The following MAF variants were observed in gnomAD, a reference collection of about 807,000 sequenced individuals.
MAF encodes the protein transcription factor Maf.
In MAF, 10 loss-of-function variants were observed where a neutral mutation model predicts 22.0. That is an observed-to-expected ratio of 0.45 (90% CI 0.28 to 0.77). The LOEUF is 0.77. Among genes scored for constraint, MAF ranks in the 30% least tolerant of loss-of-function variants. The probability of loss-of-function intolerance (pLI) is 0.12; values close to 1 mark genes in which losing one functional copy is unlikely to be tolerated. For missense variants in MAF, 544 were observed against 548.4 expected (o/e 0.99, Z 0.08); for synonymous variants, 337 against 255.8 (o/e 1.32, Z -3.03).
chr16:79,559,317 T>A, the MAF span, among the ~76,000 whole-genome samples: 4 of 152,186 alleles, frequency 2.6e-5, no homozygotes, highest in Non-Finnish European at 4.4e-5. Flanking sequence ...ATCACCCACA[T>A]TGCAAGAACG....
At chr16:79,397,011 TATTACCTTCTCTGAAGTCGGTTGACTC>T in the MAF span, among the ~76,000 whole-genome samples, 1 of 152,230 alleles carries the variant, frequency 6.6e-6, no homozygotes, top group Non-Finnish European at 1.5e-5. Context: ...ACGAGTCATT[TATTACCTTCTCTGAAGTCGGTTGACTC>T]ATCTGTAAAA....
At chr16:79,322,215 A>G in the MAF span, among the ~76,000 whole-genome samples, 2 of 152,158 alleles carry the variant, frequency 1.3e-5, no homozygotes, top group Non-Finnish European at 2.9e-5. Context: ...CCTGGGCAAC[A>G]GAGTGAGACT....
the MAF span, among the ~76,000 whole-genome samples, chr16:79,362,774 T>C: frequency 2.6e-5 from 4 of 152,192 alleles, no homozygotes; most frequent in Non-Finnish European, 4.4e-5. Flanking sequence ...ATGGGTGTGG[T>C]TTCCACAATG....
the MAF span, among the ~76,000 whole-genome samples, chr16:79,496,898 C>A: frequency 1.3e-5 from 2 of 152,044 alleles, no homozygotes; most frequent in African/African-American, 4.8e-5. Flanking sequence ...TTTTTCCTTG[C>A]AAGTTACAAT....
At chr16:79,426,084 T>C in the MAF span, among the ~76,000 whole-genome samples, 1 of 152,058 alleles carries the variant, frequency 6.6e-6, no homozygotes, top group African/African-American at 2.4e-5. Context: ...CACATGCCTG[T>C]AGTCCCAGCT....
chr16:79,351,511 TTAAATGCTG>T, the MAF span, among the ~76,000 whole-genome samples: 5 of 152,142 alleles, frequency 3.3e-5, no homozygotes, highest in Non-Finnish European at 7.4e-5. Flanking sequence ...AACTGTGACT[TTAAATGCTG>T]CATCTCTATG....
At chr16:79,483,564 G>A in the MAF span, among the ~76,000 whole-genome samples, 44 of 152,084 alleles carry the variant, frequency 2.9e-4, no homozygotes, top group African/African-American at 1.1e-3. Context: ...GGGCAAGATT[G>A]ACCAGGTCAT....
the MAF span, among the ~76,000 whole-genome samples, chr16:79,454,913 A>G: frequency 6.6e-6 from 1 of 152,078 alleles, no homozygotes; most frequent in African/African-American, 2.4e-5. Flanking sequence ...CCTGACCAAC[A>G]TGGAGAAACC....
the MAF span, among the ~76,000 whole-genome samples, chr16:79,547,694 G>A: frequency 7.2e-5 from 11 of 152,232 alleles, no homozygotes; most frequent in East Asian, 2.1e-3. Context: ...TGGATCTGAA[G>A]TCTTTAAAGG....
chr16:79,219,530 G>A, the MAF span, among the ~76,000 whole-genome samples: 31 of 132,524 alleles, frequency 2.3e-4, no homozygotes, highest in Non-Finnish European at 4.2e-4. Flanking sequence ...CAGCCTGGGC[G>A]ACAGCGAGAC....
chr16:79,216,156 ATATG>A, the MAF span, among the ~76,000 whole-genome samples: 4,479 of 150,262 alleles, frequency 0.03, 60 homozygotes, highest in East Asian at 0.052. Context: ...GCACATCTGT[ATATG>A]TATGTCGTGC....
the MAF span, among the ~76,000 whole-genome samples, chr16:79,422,337 G>C: frequency 6.6e-6 from 1 of 152,150 alleles, no homozygotes. Context: ...ACGGGCCAGA[G>C]GTTTTCTTCT....
chr16:79,341,543 G>C, the MAF span, among the ~76,000 whole-genome samples: 1 of 152,206 alleles, frequency 6.6e-6, no homozygotes, highest in Non-Finnish European at 1.5e-5. Context: ...ATTGGCAGAT[G>C]CTAGAAATCA....
At chr16:79,332,075 T>G in the MAF span, among the ~76,000 whole-genome samples, 1 of 152,230 alleles carries the variant, frequency 6.6e-6, no homozygotes, top group Non-Finnish European at 1.5e-5. Flanking sequence ...AGAGGAGTCC[T>G]TAGCACATGT....
the MAF span, among the ~76,000 whole-genome samples, chr16:79,509,200 C>T: frequency 2.0e-5 from 3 of 152,224 alleles, no homozygotes; most frequent in Admixed American, 1.3e-4. Flanking sequence ...GGTAGCAAAC[C>T]CTTGGCATTC....
Position 79,594,479 on chromosome 16 carries a change from G to A in MAF, c.1193C>T (p.Thr398Ile), listed in dbSNP as rs1298068547. Residue 398 changes from threonine to isoleucine, a missense_variant, in exon 2 of 2, where the codon ACC becomes ATC. This residue lies in a region of MAF where 129 missense variants were observed against 113.6 expected (regional missense o/e 1.14). Coordinates refer to ENST00000326043, the MANE Select transcript of MAF (RefSeq NM_005360.5). Reference protein sequence around the residue: ...TFWKPQHRVLTSVFTK With the variant: ...TFWKPQHRVLISVFTK ...CAAATTTCATTTTGTGAACACACTG[G>A]TAAGTACACGATGCTGGGGCTTCCA... 8 of 1,562,020 alleles carry A rather than the reference G, an allele frequency of 5.1e-6. No homozygotes were observed. Among genetic ancestry groups the A allele is most frequent in the Admixed American group, 1.9e-5 (1 of 53,188 alleles).
the MAF span, chr16:79,212,278 A>C: frequency 1.7e-6 from 2 of 1,187,534 alleles, no homozygotes; most frequent in Non-Finnish European, 2.3e-6. Context: ...ATCCTGACCA[A>C]GACTGAGCCA....
chr16:79,528,794 T>A, the MAF span, among the ~76,000 whole-genome samples: 4 of 152,188 alleles, frequency 2.6e-5, no homozygotes, highest in African/African-American at 9.7e-5. Context: ...ATTGGCTGTC[T>A]TTGGCTTCTT....
chr16:79,264,853 C>T, the MAF span, among the ~76,000 whole-genome samples: 4 of 152,100 alleles, frequency 2.6e-5, no homozygotes, highest in Non-Finnish European at 2.9e-5. Flanking sequence ...CTTTTGAGTA[C>T]CAGTTCCCTC....
Sources: gnomAD v4.1 joint callset for allele counts (sites outside exome capture counted in the v4.1 genomes callset) on GRCh38, gnomAD v4.1.1 for gene constraint, gnomAD v4.1.1 regional missense constraint, MANE v1.5 for transcripts, NCBI Gene and HGNC (gene_info 2026-07-23, HGNC 2026-07-21) for gene names.